Variants in C1orf141 observed in about 807,000 individuals in gnomAD.
C1orf141 encodes uncharacterized protein C1orf141.
Under a neutral mutation model 23.2 loss-of-function variants are expected in C1orf141, and 19 were observed. The observed-to-expected ratio is 0.82, with a 90% CI of 0.57 to 1.20. C1orf141 has a LOEUF of 1.20. Among genes scored for constraint, C1orf141 ranks in the 50% most tolerant of loss-of-function variants. The probability of loss-of-function intolerance (pLI) is 0.00; values close to 1 mark genes in which losing one functional copy is unlikely to be tolerated. For missense variants in C1orf141, 469 were observed against 455.1 expected (o/e 1.03, Z -0.28); for synonymous variants, 153 against 154.6 (o/e 0.99, Z 0.08).
At chr1:67,114,956 G>A (rs2144657) in intron 5 of C1orf141, among the ~76,000 whole-genome samples, 97,371 of 152,158 alleles carry the variant, frequency 0.64, 31,652 homozygotes, top group East Asian at 0.79. Context: ...GATTAGAGGC[G>A]TAAGCCAGCG....
intron 5 of C1orf141, among the ~76,000 whole-genome samples, chr1:67,096,598 C>T (rs1645686827): frequency 6.6e-6 from 1 of 152,142 alleles, no homozygotes; most frequent in Admixed American, 6.6e-5. Context: ...ATTTTCAAAT[C>T]TTTCTGATAT....
At chr1:67,125,693 G>A (rs1379396901) in intron 4 of C1orf141, 59 bp downstream of exon 4, 1 of 1,525,504 alleles carries the variant, frequency 6.6e-7, no homozygotes, top group Non-Finnish European at 9.1e-7. Flanking sequence ...GTGAGTCCTT[G>A]TTTCACAAAC....
Position 67,092,406 on chromosome 1 carries a change from T to C in C1orf141, c.*599A>G, listed in dbSNP as rs1202963819. 6.6e-6 allele frequency: 1 copy of C among 152,222 alleles called. No individual in the cohort carries two copies. The highest frequency in any genetic ancestry group is 2.4e-5 in the African/African-American group (1 of 41,470). The allele number at this position is 152,222 out of a possible 1,614,324, so 9.4% of individuals were successfully genotyped here. On this transcript the variant is annotated 3_prime_UTR_variant, in exon 8 of 8. Coordinates refer to ENST00000684719, the MANE Select transcript of C1orf141 (RefSeq NM_001276351.2). ...CAAAATTATTTAGATTAAGGATAGTTATTCTTTTATTTAACAATTTAGAAA... is the reference window on the plus strand; with the variant it reads ...CAAAATTATTTAGATTAAGGATAGTCATTCTTTTATTTAACAATTTAGAAA...
intron 5 of C1orf141, among the ~76,000 whole-genome samples, chr1:67,107,821 T>A (rs933434780): frequency 7.2e-5 from 11 of 151,910 alleles, no homozygotes; most frequent in African/African-American, 2.7e-4. Context: ...ACCCAGGAGG[T>A]GGAGGTTGCA....
chr1:67,132,991 G>T (rs1171943574), intron 1 of C1orf141, among the ~76,000 whole-genome samples: 1 of 152,254 alleles, frequency 6.6e-6, no homozygotes, highest in Middle Eastern at 3.4e-3. Context: ...TCATCTACAG[G>T]CCTCACTGCA....
intron 4 of C1orf141, among the ~76,000 whole-genome samples, chr1:67,120,314 T>G (rs1043894945): frequency 6.6e-6 from 1 of 152,176 alleles, no homozygotes; most frequent in Non-Finnish European, 1.5e-5. Context: ...TACCTCAAGT[T>G]TCATCCATAT....
chr1:67,118,431 A>G (rs1646239015), intron 4 of C1orf141, among the ~76,000 whole-genome samples: 1 of 152,234 alleles, frequency 6.6e-6, no homozygotes, highest in South Asian at 2.1e-4. Context: ...AGAATCACTC[A>G]TAGAGACTGG....
At chr1:67,135,183 A>G (rs1453601412), upstream of C1orf141, among the ~76,000 whole-genome samples, 1 of 152,274 alleles carries the variant, frequency 6.6e-6, no homozygotes, top group African/African-American at 2.4e-5. Context: ...AGGAGAGTCA[A>G]GTAAAAGAAG....
chr1:67,108,519 G>A (rs138831385), intron 5 of C1orf141, among the ~76,000 whole-genome samples: 1 of 152,110 alleles, frequency 6.6e-6, no homozygotes, highest in African/African-American at 2.4e-5. Context: ...ATCACCTGAG[G>A]TCAGGAGTTC....
intron 1 of C1orf141, among the ~76,000 whole-genome samples, chr1:67,140,884 A>G (rs1390003244): frequency 1.3e-5 from 2 of 152,166 alleles, no homozygotes; most frequent in African/African-American, 4.8e-5. Context: ...TTAAAAAATG[A>G]ATTTAGAGAT....
chr1:67,138,694 G>C (rs1284387546), upstream of C1orf141, among the ~76,000 whole-genome samples: 2 of 152,138 alleles, frequency 1.3e-5, no homozygotes, highest in Non-Finnish European at 2.9e-5. Context: ...GCAAACCCAT[G>C]GTACAGAAAG....
At chr1:67,129,470 A>G (rs1349260999) in intron 2 of C1orf141, among the ~76,000 whole-genome samples, 3 of 152,130 alleles carry the variant, frequency 2.0e-5, no homozygotes, top group Non-Finnish European at 1.5e-5. Flanking sequence ...ATTTCTTTAA[A>G]AAAAATTACA....
At chr1:67,100,528 C>T (rs1017599320) in intron 5 of C1orf141, among the ~76,000 whole-genome samples, 3 of 152,118 alleles carry the variant, frequency 2.0e-5, no homozygotes, top group Admixed American at 2.0e-4. Context: ...TTAACTCCTT[C>T]AGCATATAGA....
rs533426432 is a variant in C1orf141, at chr1:67,098,081, C to T, written c.347-1760G>A. Among the ~76,000 whole-genome samples the T allele has an allele frequency of 3.9e-5, 6 of 152,272 alleles. No homozygotes were observed. In the East Asian group the frequency reaches 9.6e-4, roughly 24 times the overall value. The stretch of plus-strand genomic sequence containing the variant: ...ATATCCCAATTGTCACCCTGGCAGA[C>T]GAATTCCATTCACAACTCTAAAATC... On this transcript the variant is annotated intron_variant, in intron 5 of 7. Transcript: ENST00000684719.
intron 5 of C1orf141, chr1:67,113,759 A>G (rs1198636285): frequency 4.9e-6 from 6 of 1,225,092 alleles, no homozygotes; most frequent in Middle Eastern, 2.2e-4. Context: ...AAAGATCACT[A>G]TATGATTTAA....
intron 2 of C1orf141, among the ~76,000 whole-genome samples, chr1:67,128,674 G>A (rs1003707153): frequency 1.3e-5 from 2 of 151,986 alleles, no homozygotes; most frequent in Admixed American, 6.6e-5. Flanking sequence ...CTGTGCTCCA[G>A]CCTGGGTGAC....
chr1:67,111,213 T>C (rs1021868030), intron 5 of C1orf141, among the ~76,000 whole-genome samples: 1 of 151,936 alleles, frequency 6.6e-6, no homozygotes, highest in Non-Finnish European at 1.5e-5. Flanking sequence ...CAAAAAAAGG[T>C]CTTGGTTACA....
chr1:67,130,548 C>T (rs1484543520), intron 2 of C1orf141, among the ~76,000 whole-genome samples: 2 of 152,180 alleles, frequency 1.3e-5, no homozygotes, highest in East Asian at 1.9e-4. Context: ...CGCACATGCA[C>T]GCACATGCAC....
chr1:67,100,680 T>C (rs1380487239), intron 5 of C1orf141, among the ~76,000 whole-genome samples: 1 of 152,214 alleles, frequency 6.6e-6, no homozygotes, highest in Non-Finnish European at 1.5e-5. Context: ...TTTTTCTTTC[T>C]GCTCAACTTT....
Sources: allele counts gnomAD v4.1 joint callset (sites outside exome capture counted in the v4.1 genomes callset), GRCh38; gene constraint gnomAD v4.1.1; transcripts MANE v1.5; gene names NCBI Gene and HGNC (gene_info 2026-07-23, HGNC 2026-07-21).